LSAMP: variants seen among roughly 807,000 people sequenced by gnomAD.
LSAMP encodes the protein limbic system associated membrane protein.
In LSAMP, 7 loss-of-function variants were observed where a neutral mutation model predicts 38.6. The observed-to-expected ratio is 0.18, with a 90% CI of 0.10 to 0.34. The LOEUF (loss-of-function observed/expected upper bound fraction) is 0.34. Ranked by LOEUF, LSAMP falls within the 10% of genes least tolerant of loss-of-function variation. LSAMP has a pLI of 1.00. For missense variants in LSAMP, 313 were observed against 420.0 expected, an observed-to-expected ratio of 0.75 and a Z score of 2.23; for synonymous variants, 154 against 166.8, an observed-to-expected ratio of 0.92 and a Z score of 0.59.
At chr3:116,104,939 A>G (rs1242128960) in intron 1 of LSAMP, among the ~76,000 whole-genome samples, 1 of 152,202 alleles carries the variant, frequency 6.6e-6, no homozygotes, top group Non-Finnish European at 1.5e-5. Context: ...TAAAACATAC[A>G]GCCATGGCAG....
intron 1 of LSAMP, among the ~76,000 whole-genome samples, chr3:116,121,185 G>C (rs370469246): frequency 6.6e-5 from 10 of 152,264 alleles, no homozygotes; most frequent in Middle Eastern, 3.4e-3. Flanking sequence ...TTTACTAAAA[G>C]ACCTAAAGCT....
At chr3:115,993,952 G>A (rs898747400) in intron 3 of LSAMP, among the ~76,000 whole-genome samples, 1 of 152,096 alleles carries the variant, frequency 6.6e-6, no homozygotes, top group Non-Finnish European at 1.5e-5. Context: ...TTCTAGGTTT[G>A]AACTTTGTTT....
chr3:116,414,911 T>C (rs2049029156), intron 1 of LSAMP, among the ~76,000 whole-genome samples: 1 of 152,076 alleles, frequency 6.6e-6, no homozygotes, highest in Non-Finnish European at 1.5e-5. Flanking sequence ...CTCTGCTTGC[T>C]CCCAAGCCTG....
intron 2 of LSAMP, among the ~76,000 whole-genome samples, chr3:116,057,957 C>CACACACACACA (rs1553699978): frequency 2.9e-4 from 34 of 117,556 alleles, no homozygotes; most frequent in Admixed American, 6.0e-4. Context: ...ACACACACAC[C>CACACACACACA]CACACACACA....
At chr3:116,411,071 A>G (rs933805417) in intron 1 of LSAMP, among the ~76,000 whole-genome samples, 2 of 152,108 alleles carry the variant, frequency 1.3e-5, no homozygotes, top group African/African-American at 4.8e-5. Flanking sequence ...TCAAACCACA[A>G]TGAGATATCA....
chr3:116,392,752 CCA>C (rs2048720587), intron 1 of LSAMP, among the ~76,000 whole-genome samples: 1 of 152,162 alleles, frequency 6.6e-6, no homozygotes, highest in Non-Finnish European at 1.5e-5. Flanking sequence ...CACCCATGGA[CCA>C]ATCAGCATAC....
At chr3:116,380,904 T>C (rs1025911719) in intron 1 of LSAMP, among the ~76,000 whole-genome samples, 2 of 152,054 alleles carry the variant, frequency 1.3e-5, no homozygotes, top group South Asian at 2.1e-4. Flanking sequence ...TATATACTTA[T>C]GACTGATAGA....
chr3:115,836,227 C>T (rs1007382139), intron 6 of LSAMP, among the ~76,000 whole-genome samples: 3 of 152,148 alleles, frequency 2.0e-5, no homozygotes, highest in Admixed American at 1.3e-4. Flanking sequence ...TTATCATCGT[C>T]TTAGGCCTAT....
chr3:115,936,798 A>G (rs1188592035), intron 3 of LSAMP, among the ~76,000 whole-genome samples: 2 of 152,120 alleles, frequency 1.3e-5, no homozygotes, highest in Non-Finnish European at 2.9e-5. Flanking sequence ...CATATAATGG[A>G]GCAAAGAGCA....
chr3:115,916,737 ATTC>A (rs1937259933), intron 3 of LSAMP, among the ~76,000 whole-genome samples: 1 of 152,228 alleles, frequency 6.6e-6, no homozygotes, highest in South Asian at 2.1e-4. Context: ...AGTAGATACT[ATTC>A]TTCTATTGCA....
chr3:116,282,079 A>G (rs1344808721), intron 1 of LSAMP, among the ~76,000 whole-genome samples: 1 of 152,212 alleles, frequency 6.6e-6, no homozygotes, highest in African/African-American at 2.4e-5. Context: ...TTCACCTGTT[A>G]CTAAAAGTGA....
At chr3:116,213,212 G>C (rs1300905754) in intron 1 of LSAMP, among the ~76,000 whole-genome samples, 2 of 152,116 alleles carry the variant, frequency 1.3e-5, no homozygotes, top group African/African-American at 4.8e-5. Flanking sequence ...GTTTGGTTGT[G>C]TCCCCACCCG....
At chr3:116,250,651 C>T (rs981431409) in intron 1 of LSAMP, among the ~76,000 whole-genome samples, 3 of 149,096 alleles carry the variant, frequency 2.0e-5, no homozygotes, top group Admixed American at 6.7e-5. Flanking sequence ...CACTTGAGCT[C>T]GAGAGTTTGA....
intron 1 of LSAMP, among the ~76,000 whole-genome samples, chr3:116,241,453 C>T (rs1357227330): frequency 1.3e-5 from 2 of 152,016 alleles, no homozygotes; most frequent in African/African-American, 2.4e-5. Context: ...GTAGTCCCAG[C>T]TACTCGGGAG....
rs577797269 is a variant in LSAMP, at chr3:116,288,195, A to G, written c.155+156682T>C. On this transcript the variant is annotated intron_variant, in intron 1 of 6. Transcript: ENST00000490035. ...AAGAAAAAAATGCAAACTAAGGCAC[A>G]TGGAGGTGGCACTCATGCTCTCTTT... is the stretch of plus-strand genomic sequence containing the variant. 6.6e-5 allele frequency among the ~76,000 whole-genome samples: 10 copies of G among 152,322 alleles called. 1 individual carries two copies. The South Asian group carries it at 2.1e-3, about 32-fold the overall frequency.
At chr3:116,177,067 T>G (rs1710365402) in intron 1 of LSAMP, among the ~76,000 whole-genome samples, 1 of 152,160 alleles carries the variant, frequency 6.6e-6, no homozygotes, top group Admixed American at 6.6e-5. Context: ...GTAGCTTTTC[T>G]TATAAGAAAC....
chr3:115,900,369 G>C (rs559737377), intron 3 of LSAMP, among the ~76,000 whole-genome samples: 91 of 152,158 alleles, frequency 6.0e-4, no homozygotes, highest in Non-Finnish European at 1.1e-3. Flanking sequence ...ACAAATATTA[G>C]CTGGGTGTGG....
At chr3:116,302,303 T>C (rs995754646) in intron 1 of LSAMP, among the ~76,000 whole-genome samples, 11 of 152,218 alleles carry the variant, frequency 7.2e-5, no homozygotes, top group Admixed American at 5.2e-4. Context: ...TTTTCCCCCA[T>C]GACTCACTGT....
At chr3:116,415,661 T>G (rs1202616214) in intron 1 of LSAMP, among the ~76,000 whole-genome samples, 1 of 152,136 alleles carries the variant, frequency 6.6e-6, no homozygotes, top group Non-Finnish European at 1.5e-5. Context: ...ACTGGCATGA[T>G]GCATTCATTT....
Sources: gnomAD v4.1 joint callset for allele counts (sites outside exome capture counted in the v4.1 genomes callset) on GRCh38, gnomAD v4.1.1 for gene constraint, MANE v1.5 for transcripts, NCBI Gene and HGNC (gene_info 2026-07-23, HGNC 2026-07-21) for gene names.